The following ICA1 variants were observed in gnomAD, a reference collection of about 807,000 sequenced individuals.
ICA1 encodes the protein islet cell autoantigen 1, also known as 69 kDa islet cell autoantigen.
ICA1 carries 40 observed loss-of-function variants against 71.0 expected under a neutral mutation model. The observed-to-expected ratio is 0.56, with a 90% CI of 0.44 to 0.73. The LOEUF is 0.73. ICA1 is among the 30% of genes least tolerant of loss of function. ICA1 has a pLI of 0.00. For missense variants in ICA1, 578 were observed against 576.5 expected, an observed-to-expected ratio of 1.00 and a Z score of -0.03; for synonymous variants, 207 against 209.5, an observed-to-expected ratio of 0.99 and a Z score of 0.10.
chr7:8,237,815 G>GACAGACACACAC, intron 1 of ICA1, among the ~76,000 whole-genome samples: 1 of 135,328 alleles, frequency 7.4e-6, no homozygotes, highest in Non-Finnish European at 1.6e-5. Context: ...CAATGTTGAA[G>GACAGACACACAC]ACAGACACAC....
intron 6 of ICA1, among the ~76,000 whole-genome samples, chr7:8,198,231 T>G (rs1788365315): frequency 6.6e-6 from 1 of 152,216 alleles, no homozygotes; most frequent in Admixed American, 6.5e-5. Flanking sequence ...GGACTTCTAT[T>G]CTCTTTCTCC....
intron 6 of ICA1, among the ~76,000 whole-genome samples, chr7:8,188,280 T>C (rs765574262): frequency 2.6e-5 from 4 of 152,214 alleles, no homozygotes; most frequent in Admixed American, 1.3e-4. Context: ...GACACACTTA[T>C]TTGGTTTCTA....
chr7:8,156,319 G>A (rs543327732), intron 8 of ICA1, among the ~76,000 whole-genome samples: 3 of 152,304 alleles, frequency 2.0e-5, no homozygotes, highest in South Asian at 4.1e-4. Flanking sequence ...TTGCTTGAAC[G>A]ATAAAGAGCA....
At chr7:8,158,407 T>C in intron 7 of ICA1, 120 bp downstream of exon 7, 2 of 1,243,446 alleles carry the variant, frequency 1.6e-6, no homozygotes, top group Non-Finnish European at 2.3e-6. Context: ...GAAGTGAAAT[T>C]ACGGAAAGGC....
chr7:8,235,725 T>A (rs1801651564), intron 2 of ICA1, among the ~76,000 whole-genome samples, 185 bp downstream of exon 2: 1 of 152,222 alleles, frequency 6.6e-6, no homozygotes, highest in African/African-American at 2.4e-5. Context: ...GAATTTACAA[T>A]ATTTTTGTTA....
chr7:8,154,817 G>A (rs1371218327), intron 8 of ICA1, among the ~76,000 whole-genome samples: 2 of 152,100 alleles, frequency 1.3e-5, no homozygotes, highest in Non-Finnish European at 2.9e-5. Flanking sequence ...AAGTATTAAT[G>A]GCTTTCACCA....
At chr7:8,186,260 G>A (rs10271463) in intron 6 of ICA1, among the ~76,000 whole-genome samples, 63,536 of 152,048 alleles carry the variant, frequency 0.42, 16,083 homozygotes, top group African/African-American at 0.72. Context: ...AAACAGGGAC[G>A]CTCTCTGAGT....
At chr7:8,159,753 T>C (rs74591020) in intron 6 of ICA1, among the ~76,000 whole-genome samples, 7,793 of 151,976 alleles carry the variant, frequency 0.051, 655 homozygotes, top group African/African-American at 0.18. Flanking sequence ...AAACAAAATA[T>C]GAAGTTAAAA....
chr7:8,257,715 T>C (rs1188982337), intron 1 of ICA1, among the ~76,000 whole-genome samples: 1 of 152,144 alleles, frequency 6.6e-6, no homozygotes, highest in African/African-American at 2.4e-5. Context: ...CTTTTTAATA[T>C]TAGTCCCCTA....
intron 6 of ICA1, among the ~76,000 whole-genome samples, chr7:8,199,244 G>C (rs1024527078): frequency 6.6e-6 from 1 of 152,172 alleles, no homozygotes; most frequent in Admixed American, 6.5e-5. Context: ...CAAAAGAAAG[G>C]AAATCAGTAT....
chr7:8,144,011 AAG>A lies in ICA1; in HGVS notation c.805-41_805-40del. On this transcript the variant is annotated intron_variant, in intron 8 of 13. Coordinates refer to ENST00000402384, the MANE Select transcript of ICA1 (RefSeq NM_001136020.3). This position sits in a 1 kb window ranked among gnomAD's most constrained non-coding sequence, Gnocchi z 4.5. ...CATAGAAAAATGAAAAAGAAAAAAA[AAG>A]AAGAAGAAATAGAGACAAAAAAAAG... 4 of 1,150,798 alleles carry A rather than the reference AAG, an allele frequency of 3.5e-6. No homozygotes were observed. The highest frequency in any genetic ancestry group is 3.8e-6 in the Non-Finnish European group (3 of 785,302). 71.3% of individuals were successfully genotyped at this position (1,150,798 alleles called of 1,614,324 possible).
chr7:8,165,832 T>C (rs1357182930), intron 6 of ICA1, among the ~76,000 whole-genome samples: 1 of 152,184 alleles, frequency 6.6e-6, no homozygotes, highest in Non-Finnish European at 1.5e-5. Context: ...GCAAAATTTC[T>C]ACAGTGAGAA....
At chr7:8,221,195 T>G in intron 5 of ICA1, 80 bp downstream of exon 5, 9,030 of 1,449,662 alleles carry the variant, frequency 6.2e-3, no homozygotes, top group Non-Finnish European at 7.9e-3. Flanking sequence ...AAGAACACTG[T>G]GAGATTCCCT....
At chr7:8,233,892 T>A (rs1381648577) in intron 2 of ICA1, among the ~76,000 whole-genome samples, 1 of 152,154 alleles carries the variant, frequency 6.6e-6, no homozygotes, top group East Asian at 1.9e-4. Flanking sequence ...TTCAGGAGGA[T>A]CACAGTGAAG....
At position 8,143,985 on chromosome 7, in the gene ICA1, C is replaced by CTTA; in HGVS notation, c.805-14_805-13insTAA. On this transcript the variant is annotated splice_polypyrimidine_tract_variant and intron_variant, in intron 8 of 13. Coordinates refer to ENST00000402384, the MANE Select transcript of ICA1 (RefSeq NM_001136020.3). Reference sequence around the variant, plus strand: ...GGTCTTGTAAGCTCTTGATCACGAGCCATAGAAAAATGAAAAAGAAAAAAA... The same window carrying CTTA: ...GGTCTTGTAAGCTCTTGATCACGAGCTTACATAGAAAAATGAAAAAGAAAAAAA... 1 of 1,353,242 alleles carries CTTA rather than the reference C, an allele frequency of 7.4e-7. No individual in the cohort carries two copies. The highest frequency in any genetic ancestry group is 1.0e-6 in the Non-Finnish European group (1 of 967,514). 83.8% of individuals were successfully genotyped at this position (1,353,242 alleles called of 1,614,324 possible).
intron 2 of ICA1, among the ~76,000 whole-genome samples, chr7:8,233,638 C>T (rs1416358692): frequency 2.0e-5 from 3 of 152,102 alleles, no homozygotes; most frequent in South Asian, 2.1e-4. Context: ...TCAGATGATC[C>T]GCCCTCCTCA....
chr7:8,251,229 C>G (rs112770770), intron 1 of ICA1, among the ~76,000 whole-genome samples: 1 of 151,954 alleles, frequency 6.6e-6, no homozygotes, highest in Non-Finnish European at 1.5e-5. Context: ...TTCAAAAGAA[C>G]TCAGGTGTTA....
rs537838426 is a variant in ICA1, at chr7:8,139,830, T to A, written c.956-783A>T. 3.3e-5 allele frequency among the ~76,000 whole-genome samples: 5 copies of A among 152,312 alleles called. No homozygotes were observed. In the East Asian group the frequency reaches 9.6e-4, roughly 29 times the overall value. ...AACTTTGCTGTGAACCAAAAACTATTCTAAACAATAAAGTGTGTCTGTGTG... is the reference window on the plus strand; with the variant it reads ...AACTTTGCTGTGAACCAAAAACTATACTAAACAATAAAGTGTGTCTGTGTG... On this transcript the variant is annotated intron_variant, in intron 10 of 13. Transcript: ENST00000402384.
At chr7:8,185,148 TG>T (rs1013652847) in intron 6 of ICA1, among the ~76,000 whole-genome samples, 3 of 151,344 alleles carry the variant, frequency 2.0e-5, no homozygotes, top group African/African-American at 2.4e-5. Flanking sequence ...TTAAAAAAAC[TG>T]AAAAAGTCAG....
Sources: allele counts gnomAD v4.1 joint callset (sites outside exome capture counted in the v4.1 genomes callset), GRCh38; gene constraint gnomAD v4.1.1; non-coding constraint Gnocchi (gnomAD v3.1); transcripts MANE v1.5; gene names NCBI Gene and HGNC (gene_info 2026-07-23, HGNC 2026-07-21).